Variants in MYH9 observed in about 807,000 individuals in gnomAD.
MYH9 encodes myosin heavy chain 9, also known as myosin-9.
In MYH9, 29 loss-of-function variants were observed where a neutral mutation model predicts 241.9. The observed-to-expected ratio is 0.12, with a 90% CI of 0.09 to 0.16. MYH9 has a LOEUF of 0.16. Among genes scored for constraint, MYH9 ranks in the 10% least tolerant of loss-of-function variants. MYH9 has a pLI of 1.00. For synonymous variants in MYH9, 1,047 were observed against 1,062.6 expected (o/e 0.99, Z 0.29); for missense variants, 1,803 against 2,595.5 (o/e 0.69, Z 6.63).
At chr22:36,347,079 C>CT (rs2017688482) in intron 2 of MYH9, among the ~76,000 whole-genome samples, 1 of 152,110 alleles carries the variant, frequency 6.6e-6, no homozygotes, top group Admixed American at 6.5e-5. Context: ...AAGGAAATAT[C>CT]TTTGAGTTGA....
rs377158030 is a variant in MYH9 at position 36,306,973 on chromosome 22, G to T, written c.1844-366C>A. Among the ~76,000 whole-genome samples, 2 of 152,250 alleles carry T rather than the reference G, an allele frequency of 1.3e-5. No individual in the cohort carries two copies. The highest frequency in any genetic ancestry group is 2.4e-5 in the African/African-American group (1 of 41,552). ...TCTACTAGCCTGGCTCTAACGAGGG[G>T]TGTGAAAACCTGGCTTACGGAATCC... On this transcript the variant is annotated intron_variant, in intron 15 of 40. Coordinates refer to ENST00000216181, the MANE Select transcript of MYH9 (RefSeq NM_002473.6). The surrounding 1 kb of genome is among the most constrained non-coding windows in gnomAD (Gnocchi z 4.1).
chr22:36,319,698 G>C, intron 9 of MYH9, 63 bp from the exon 10 acceptor site: 1 of 1,508,352 alleles, frequency 6.6e-7, no homozygotes, highest in Non-Finnish European at 9.2e-7. Context: ...CCGGGGGTGG[G>C]GGCCACTCAT....
At chr22:36,374,056 C>A (rs1438703775) in intron 1 of MYH9, among the ~76,000 whole-genome samples, 2 of 151,774 alleles carry the variant, frequency 1.3e-5, no homozygotes, top group African/African-American at 2.4e-5. Context: ...ACCACACACA[C>A]CCCCACCTTA....
rs748201951 is a variant in MYH9, at chr22:36,289,323, G to T, written c.4345-26C>A. On this transcript the variant is annotated intron_variant, in intron 31 of 40. Coordinates refer to ENST00000216181, the MANE Select transcript of MYH9 (RefSeq NM_002473.6). Reference sequence around the variant, plus strand: ...CTGGGAAAGAGGTGGGCACCATGAGGCTCAGAGCTACGGCCCCCAGCAGGG... The same window carrying T: ...CTGGGAAAGAGGTGGGCACCATGAGTCTCAGAGCTACGGCCCCCAGCAGGG... 3 of 1,588,902 alleles carry T rather than the reference G, an allele frequency of 1.9e-6. No individual in the cohort carries two copies. The East Asian group carries it at 6.8e-5, about 36-fold the overall frequency.
chr22:36,378,962 C>T (rs910095988), intron 1 of MYH9, among the ~76,000 whole-genome samples: 5 of 151,624 alleles, frequency 3.3e-5, no homozygotes, highest in African/African-American at 4.8e-5. Flanking sequence ...ATCGCTTTTT[C>T]TCTAATTAGG....
chr22:36,377,411 C>T (rs1219875854), intron 1 of MYH9, among the ~76,000 whole-genome samples: 1 of 151,876 alleles, frequency 6.6e-6, no homozygotes, highest in Non-Finnish European at 1.5e-5. Context: ...TTTGTAACAG[C>T]CTTTCTAAAA....
At chr22:36,294,445 C>A in intron 27 of MYH9, 147 bp from the exon 28 acceptor site, 1 of 793,412 alleles carries the variant, frequency 1.3e-6, no homozygotes. Context: ...ACGGCTCGGG[C>A]CTCATCTGTC....
At chr22:36,282,891 C>T (rs900388237) in intron 40 of MYH9, 106 bp from the exon 41 acceptor site, 140 of 988,984 alleles carry the variant, frequency 1.4e-4, no homozygotes, top group Admixed American at 2.4e-4. Flanking sequence ...AAACCAGGTG[C>T]CTGGCTGCTC....
intron 1 of MYH9, among the ~76,000 whole-genome samples, chr22:36,375,345 C>A (rs942478809): frequency 6.6e-6 from 1 of 152,202 alleles, no homozygotes; most frequent in Non-Finnish European, 1.5e-5. Flanking sequence ...TAGGACCAAC[C>A]ACATTCATTT....
intron 7 of MYH9, 59 bp downstream of exon 7, chr22:36,321,699 C>T (rs755532823): frequency 9.6e-5 from 143 of 1,485,750 alleles, no homozygotes; most frequent in Non-Finnish European, 1.2e-4. Context: ...TTCTTCTCTA[C>T]AGAGGTCATG....
chr22:36,332,864 C>A (rs1038595393), intron 3 of MYH9, among the ~76,000 whole-genome samples: 2 of 152,070 alleles, frequency 1.3e-5, no homozygotes, highest in African/African-American at 4.8e-5. Context: ...GAAACTTCTC[C>A]TTCTGGGGTT....
At chr22:36,339,792 T>C (rs992503350) in intron 3 of MYH9, among the ~76,000 whole-genome samples, 3 of 151,350 alleles carry the variant, frequency 2.0e-5, no homozygotes, top group South Asian at 4.2e-4. Flanking sequence ...TGCCTGAAAA[T>C]TGGGTTTGAG....
rs746236923 is a variant in MYH9, at chr22:36,289,103, C to T, written c.4539G>A (p.Lys1513=). The change falls in exon 32 of 41, where the codon AAG becomes AAA. Residue 1513 remains lysine, a synonymous_variant. Coordinates refer to ENST00000216181, the MANE Select transcript of MYH9 (RefSeq NM_002473.6). ...RTEMEDLMSS[K]DDVGKSVHEL... ...GACTCACACTCTTGCCCACATCATC[C>T]TTGGAGCTCATAAGGTCCTCCATCT... 2 of 1,614,042 alleles carry T rather than the reference C, an allele frequency of 1.2e-6. No homozygotes were observed. Among genetic ancestry groups the T allele is most frequent in the Non-Finnish European group, 1.7e-6 (2 of 1,180,042 alleles).
chr22:36,326,349 C>T (rs2017334894), intron 5 of MYH9, among the ~76,000 whole-genome samples: 1 of 152,254 alleles, frequency 6.6e-6, no homozygotes, highest in African/African-American at 2.4e-5. Flanking sequence ...TCCATAGCAA[C>T]TCAGAAGGCT....
At chr22:36,291,965 A>C in intron 31 of MYH9, 21 bp downstream of exon 31, 1 of 1,614,054 alleles carries the variant, frequency 6.2e-7, no homozygotes, top group Non-Finnish European at 8.5e-7. Flanking sequence ...AATGCAAAGG[A>C]TGGGGCCAAC....
At chr22:36,387,703 C>T (rs2018379079) in intron 1 of MYH9, 104 bp downstream of exon 1, 1 of 151,424 alleles carries the variant, frequency 6.6e-6, no homozygotes, top group South Asian at 2.1e-4. Context: ...GGTGGCGGGC[C>T]GCACTGAGCC....
intron 21 of MYH9, 30 bp downstream of exon 21, chr22:36,301,504 G>C (rs760146728): frequency 3.1e-6 from 5 of 1,611,378 alleles, no homozygotes; most frequent in Non-Finnish European, 4.2e-6. Context: ...CAGGTCGTGC[G>C]ACCTGGACTG....
chr22:36,309,616 CA>C (rs1180340354), intron 14 of MYH9, among the ~76,000 whole-genome samples: 1 of 152,228 alleles, frequency 6.6e-6, no homozygotes, highest in Non-Finnish European at 1.5e-5. Context: ...AGCCTCAAAG[CA>C]AGGCATGGCC....
intron 1 of MYH9, among the ~76,000 whole-genome samples, chr22:36,358,947 C>T (rs2017896580): frequency 6.6e-6 from 1 of 152,236 alleles, no homozygotes; most frequent in South Asian, 2.1e-4. Context: ...CCCTGCCCTT[C>T]CTTTTGCCAC....
Sources: allele counts gnomAD v4.1 joint callset (sites outside exome capture counted in the v4.1 genomes callset), GRCh38; gene constraint gnomAD v4.1.1; non-coding constraint Gnocchi (gnomAD v3.1); transcripts MANE v1.5; gene names NCBI Gene and HGNC (gene_info 2026-07-23, HGNC 2026-07-21).